Variants in KYNU observed in about 807,000 individuals in gnomAD.
The protein encoded by KYNU is kynureninase.
In KYNU, 54 loss-of-function variants were observed where a neutral mutation model predicts 59.2. That is an observed-to-expected ratio of 0.91 (90% CI 0.73 to 1.14). KYNU has a LOEUF of 1.14. Ranked by LOEUF, KYNU falls within the 50% of genes most tolerant of loss-of-function variation. The pLI is 0.00. For missense variants in KYNU, 567 were observed against 554.4 expected (o/e 1.02, Z -0.23); for synonymous variants, 177 against 192.0 (o/e 0.92, Z 0.65).
chr2:142,911,009 C>T (rs564753278), intron 2 of KYNU, among the ~76,000 whole-genome samples: 18 of 152,124 alleles, frequency 1.2e-4, no homozygotes, highest in Middle Eastern at 3.4e-3. Flanking sequence ...TGCCATCAGC[C>T]TTGTTCTTTT....
intron 4 of KYNU, among the ~76,000 whole-genome samples, chr2:142,953,471 T>C (rs1010120556): frequency 6.6e-6 from 1 of 152,120 alleles, no homozygotes; most frequent in African/African-American, 2.4e-5. Context: ...TGTAGGGAAA[T>C]AAATATAATG....
At chr2:143,041,053 C>A (rs1687028473) in intron 13 of KYNU, among the ~76,000 whole-genome samples, 1 of 151,962 alleles carries the variant, frequency 6.6e-6, no homozygotes, top group African/African-American at 2.4e-5. Flanking sequence ...AAAAGAAAGT[C>A]TTATTTAGTC....
At chr2:142,993,554 C>T (rs1039206133) in intron 10 of KYNU, among the ~76,000 whole-genome samples, 2 of 151,948 alleles carry the variant, frequency 1.3e-5, no homozygotes, top group Non-Finnish European at 2.9e-5. Flanking sequence ...CAACCTAAAC[C>T]TATTTTCATT....
At chr2:143,014,319 G>T (rs1251837876) in intron 10 of KYNU, among the ~76,000 whole-genome samples, 1 of 152,212 alleles carries the variant, frequency 6.6e-6, no homozygotes, top group African/African-American at 2.4e-5. Context: ...ACCTGGCTAA[G>T]TATTGGGAAC....
chr2:142,918,649 T>C lies in KYNU; in HGVS notation c.210T>C (p.Tyr70=). 1.2e-6 allele frequency: 2 copies of C among 1,611,302 alleles called. No homozygotes were observed. Among genetic ancestry groups the C allele is most frequent in the African/African-American group, 2.7e-5 (2 of 74,960 alleles). Residue 70 remains tyrosine, a synonymous_variant, in exon 3 of 14, where the codon TAT becomes TAC. Transcript: ENST00000264170. ...SLVNKDENAI[Y]FLGNSLGLQP... ...TGAATAAAGATGAAAATGCCATCTA[T>C]TTCTTGGGAAATTCTCTTGGCCTTC...
chr2:142,964,365 A>G (rs1221348548), intron 8 of KYNU, among the ~76,000 whole-genome samples: 1 of 152,158 alleles, frequency 6.6e-6, no homozygotes, highest in Non-Finnish European at 1.5e-5. Flanking sequence ...TCTAATCAAT[A>G]ATGCCAATCC....
chr2:142,971,404 G>A (rs1684718832), intron 8 of KYNU: 1 of 151,972 alleles, frequency 6.6e-6, no homozygotes, highest in Non-Finnish European at 1.5e-5. Flanking sequence ...CTCGTACATT[G>A]CTTGACTGAC....
chr2:142,966,148 A>T (rs933532074), intron 8 of KYNU, among the ~76,000 whole-genome samples: 17 of 152,210 alleles, frequency 1.1e-4, no homozygotes, highest in Admixed American at 6.5e-4. Context: ...GAAATAGGAA[A>T]TAAATAATGA....
chr2:143,031,574 AT>A (rs1686744125), intron 11 of KYNU, among the ~76,000 whole-genome samples: 2 of 152,168 alleles, frequency 1.3e-5, no homozygotes, highest in Non-Finnish European at 2.9e-5. Flanking sequence ...AACTACAGAA[AT>A]TAGCCAGGAG....
intron 2 of KYNU, among the ~76,000 whole-genome samples, chr2:142,917,599 G>C (rs1682707558): frequency 6.6e-6 from 1 of 152,164 alleles, no homozygotes; most frequent in Non-Finnish European, 1.5e-5. Flanking sequence ...ACTGTGCCTG[G>C]CTGACATGAT....
chr2:142,981,567 T>C (rs983572099), intron 8 of KYNU, among the ~76,000 whole-genome samples: 17 of 152,092 alleles, frequency 1.1e-4, no homozygotes, highest in African/African-American at 3.4e-4. Context: ...TGATGAAGAT[T>C]AATTATATTC....
rs775691706 is a variant in KYNU at position 142,918,694 on chromosome 2, A to G, written c.255A>G (p.Thr85=). The G allele has an allele frequency of 4.2e-5, 68 of 1,612,622 alleles. No homozygotes were observed. Among genetic ancestry groups the G allele is most frequent in the Non-Finnish European group, 5.3e-5 (63 of 1,179,314 alleles). Residue 85 remains threonine, a synonymous_variant, in exon 3 of 14, where the codon ACA becomes ACG. Transcript: ENST00000264170. Reference sequence around the variant, plus strand: ...GCCTTCAACCAAAAATGGTTAAAACATATCTTGAAGAAGAACTAGATAAGT... The same window carrying G: ...GCCTTCAACCAAAAATGGTTAAAACGTATCTTGAAGAAGAACTAGATAAGT... ...SLGLQPKMVK[T]YLEEELDKWA...
chr2:142,960,341 G>A (rs752422109), intron 7 of KYNU, among the ~76,000 whole-genome samples: 4 of 152,156 alleles, frequency 2.6e-5, no homozygotes, highest in Non-Finnish European at 5.9e-5. Flanking sequence ...TATAGCTGTG[G>A]AAAGAGTACA....
At chr2:143,022,639 T>C (rs1686441603) in intron 10 of KYNU, among the ~76,000 whole-genome samples, 1 of 152,010 alleles carries the variant, frequency 6.6e-6, no homozygotes, top group Non-Finnish European at 1.5e-5. Flanking sequence ...TGAGATTACC[T>C]TCTTTTGTGA....
At chr2:143,027,493 C>T (rs2104910297) in intron 10 of KYNU, among the ~76,000 whole-genome samples, 1 of 152,224 alleles carries the variant, frequency 6.6e-6, no homozygotes, top group East Asian at 1.9e-4. Context: ...ATTCATGGGG[C>T]ACAGACATTT....
intron 2 of KYNU, among the ~76,000 whole-genome samples, chr2:142,887,338 T>G (rs1404050246): frequency 2.0e-5 from 3 of 152,192 alleles, no homozygotes; most frequent in Non-Finnish European, 4.4e-5. Flanking sequence ...ACAGCCCTTG[T>G]GCACTCTTAG....
chr2:142,926,128 G>A (rs1055955568), intron 3 of KYNU, among the ~76,000 whole-genome samples: 1 of 152,070 alleles, frequency 6.6e-6, no homozygotes, highest in African/African-American at 2.4e-5. Context: ...TGGGGCCTGT[G>A]GGGGGTGAGG....
At position 142,956,198 on chromosome 2, in the gene KYNU, T is replaced by C. The variant is rs757281384; in HGVS notation, c.436-5T>C. On this transcript the variant is annotated splice_region_variant and splice_polypyrimidine_tract_variant and intron_variant, in intron 5 of 13. Coordinates refer to ENST00000264170, the MANE Select transcript of KYNU (RefSeq NM_003937.3). ...TGCTTTCTCAATAAATCCATTTTAT[T>C]GCAGTTATCATTTTTTAAGCCTACG... 6.6e-7 allele frequency: 1 copy of C among 1,516,752 alleles called. No homozygotes were observed. The highest frequency in any genetic ancestry group is 1.7e-5 in the Admixed American group (1 of 59,704). 94.0% of individuals were successfully genotyped at this position (1,516,752 alleles called of 1,614,324 possible).
At chr2:142,973,172 A>G (rs1684783376) in intron 8 of KYNU, among the ~76,000 whole-genome samples, 1 of 151,734 alleles carries the variant, frequency 6.6e-6, no homozygotes. Flanking sequence ...AGAAACATCA[A>G]AGAAAAAATA....
Sources: allele counts gnomAD v4.1 joint callset (sites outside exome capture counted in the v4.1 genomes callset), GRCh38; gene constraint gnomAD v4.1.1; transcripts MANE v1.5; gene names NCBI Gene and HGNC (gene_info 2026-07-23, HGNC 2026-07-21).